RAB28: variants seen among roughly 807,000 people sequenced by gnomAD.
RAB28 encodes the protein ras-related protein Rab-28.
Under a neutral mutation model 31.7 loss-of-function variants are expected in RAB28, and 24 were observed. The observed-to-expected ratio is 0.76, with a 90% confidence interval of 0.55 to 1.06. The LOEUF (loss-of-function observed/expected upper bound fraction) is 1.06, where lower values mean the gene tolerates loss of function less well. RAB28 is among the 50% of genes least tolerant of loss of function. The pLI is 0.00. For synonymous variants in RAB28, 100 were observed against 90.4 expected (o/e 1.11, Z -0.60); for missense variants, 254 against 258.5 (o/e 0.98, Z 0.12).
intron 1 of RAB28, among the ~76,000 whole-genome samples, chr4:13,481,083 A>G (rs1344578236): frequency 2.0e-5 from 3 of 152,040 alleles, no homozygotes; most frequent in Non-Finnish European, 4.4e-5. Context: ...GTCATTTGAG[A>G]TAATTTTTCA....
intron 4 of RAB28, among the ~76,000 whole-genome samples, chr4:13,445,026 A>G (rs532896854): frequency 2.6e-5 from 4 of 152,104 alleles, no homozygotes; most frequent in Admixed American, 1.3e-4. Flanking sequence ...TATCAATCGT[A>G]GGTTCAGTCT....
chr4:13,388,474 G>T (rs972758534), intron 4 of RAB28, among the ~76,000 whole-genome samples: 1 of 151,932 alleles, frequency 6.6e-6, no homozygotes, highest in African/African-American at 2.4e-5. Flanking sequence ...TGATTTCTTG[G>T]ACATGACACC....
intron 6 of RAB28, chr4:13,371,427 A>T (rs1414060940): frequency 1.1e-5 from 11 of 984,946 alleles, no homozygotes; most frequent in African/African-American, 1.7e-5. Flanking sequence ...TAATCCAACA[A>T]AATGTTGGTT....
chr4:13,381,475 T>A lies in RAB28; in HGVS notation c.495+16A>T, dbSNP rs1729125436. 1 of 1,532,290 alleles carries A rather than the reference T, an allele frequency of 6.5e-7. No homozygotes were observed. Among genetic ancestry groups the A allele is most frequent in the Non-Finnish European group, 9.0e-7 (1 of 1,107,310 alleles). 94.9% of individuals were successfully genotyped at this position (1,532,290 alleles called of 1,614,324 possible). On this transcript the variant is annotated intron_variant, in intron 5 of 6. Coordinates refer to ENST00000330852, the MANE Select transcript of RAB28 (RefSeq NM_001017979.3). Reference sequence around the variant, plus strand: ...AAAAGGAAAACATCACATACAGTATTCATTATTTTACTTACAGAGTCTCCT... The same window carrying A: ...AAAAGGAAAACATCACATACAGTATACATTATTTTACTTACAGAGTCTCCT...
chr4:13,481,866 T>C (rs1185340401), intron 1 of RAB28, among the ~76,000 whole-genome samples: 1 of 151,848 alleles, frequency 6.6e-6, no homozygotes, highest in Non-Finnish European at 1.5e-5. Context: ...TAAATCAGGA[T>C]ACAAGTAAGA....
chr4:13,450,953 C>G (rs1714938796), intron 4 of RAB28, among the ~76,000 whole-genome samples: 1 of 151,846 alleles, frequency 6.6e-6, no homozygotes, highest in African/African-American at 2.4e-5. Flanking sequence ...GGTAAGAGCT[C>G]AATCCCCTAA....
intron 6 of RAB28, chr4:13,370,563 G>T (rs936014247): frequency 2.1e-6 from 2 of 942,440 alleles, no homozygotes; most frequent in Non-Finnish European, 2.5e-6. Context: ...GAACACAGAG[G>T]AAGGAGTAAT....
intron 4 of RAB28, among the ~76,000 whole-genome samples, chr4:13,383,671 A>G (rs1358359547): frequency 6.6e-6 from 1 of 152,158 alleles, no homozygotes; most frequent in Non-Finnish European, 1.5e-5. Context: ...GGTGGAAGGT[A>G]ACTGAATCAT....
At chr4:13,483,436 G>C (rs778284445) in intron 1 of RAB28, among the ~76,000 whole-genome samples, 5 of 152,190 alleles carry the variant, frequency 3.3e-5, no homozygotes, top group Non-Finnish European at 7.3e-5. Context: ...TGATGAACAG[G>C]TATGATATTA....
At chr4:13,403,808 T>C (rs968907327) in intron 4 of RAB28, among the ~76,000 whole-genome samples, 24 of 152,200 alleles carry the variant, frequency 1.6e-4, no homozygotes, top group African/African-American at 5.3e-4. Flanking sequence ...GAAAATTGAA[T>C]GTGTGCAAAT....
intron 4 of RAB28, among the ~76,000 whole-genome samples, chr4:13,457,940 T>C (rs1577233348): frequency 6.6e-6 from 1 of 152,196 alleles, no homozygotes; most frequent in African/African-American, 2.4e-5. Context: ...TAATTTCTCA[T>C]AAGGTAATGC....
At chr4:13,380,158 A>G (rs780154021) in intron 5 of RAB28, among the ~76,000 whole-genome samples, 13 of 152,132 alleles carry the variant, frequency 8.5e-5, no homozygotes, top group Non-Finnish European at 1.5e-4. Flanking sequence ...ATGGGTGAGT[A>G]TGTGCCCATG....
Position 13,376,586 on chromosome 4 carries a change from G to A in RAB28, c.532C>T (p.Leu178Phe), listed in dbSNP as rs375680071. ...LCFQKVAAEI[L>F]GIKLNKAEIE... ...TCTGCTTTGTTTAATTTGATCCCAA[G>A]GATTTCAGCAGCAACTTTCTGAAAG... Residue 178 changes from leucine to phenylalanine, a missense_variant, in exon 6 of 7, where the codon CTT becomes TTT. Coordinates refer to ENST00000330852, the MANE Select transcript of RAB28 (RefSeq NM_001017979.3). The A allele has an allele frequency of 2.5e-6, 4 of 1,602,774 alleles. No individual in the cohort carries two copies. The highest frequency in any genetic ancestry group is 3.4e-6 in the Non-Finnish European group (4 of 1,175,654).
intron 4 of RAB28, among the ~76,000 whole-genome samples, chr4:13,426,777 C>T (rs190322585): frequency 7.9e-4 from 121 of 152,234 alleles, no homozygotes; most frequent in African/African-American, 2.8e-3. Flanking sequence ...CAGGGTTAAT[C>T]AAAACATTTG....
At chr4:13,425,106 T>C (rs951235083) in intron 4 of RAB28, among the ~76,000 whole-genome samples, 1 of 152,200 alleles carries the variant, frequency 6.6e-6, no homozygotes, top group East Asian at 1.9e-4. Context: ...TTTCTTTTAC[T>C]TACCTATCAG....
At chr4:13,372,211 A>G (rs1728742410) in intron 6 of RAB28, among the ~76,000 whole-genome samples, 1 of 152,152 alleles carries the variant, frequency 6.6e-6, no homozygotes, top group African/African-American at 2.4e-5. Flanking sequence ...CAGAAAACAG[A>G]TGTGTAAACT....
At chr4:13,420,798 T>C (rs1355130146) in intron 4 of RAB28, among the ~76,000 whole-genome samples, 3 of 152,146 alleles carry the variant, frequency 2.0e-5, no homozygotes, top group South Asian at 4.1e-4. Flanking sequence ...ACAGCCAATA[T>C]CATACTGAAT....
chr4:13,446,758 TCG>T (rs1223100316), intron 4 of RAB28, among the ~76,000 whole-genome samples: 1 of 152,110 alleles, frequency 6.6e-6, no homozygotes, highest in Non-Finnish European at 1.5e-5. Context: ...TGTGTTCCTC[TCG>T]CTGGGAGCTG....
chr4:13,374,630 C>T (rs1393947844), intron 6 of RAB28, among the ~76,000 whole-genome samples: 5 of 152,220 alleles, frequency 3.3e-5, no homozygotes, highest in African/African-American at 1.2e-4. Flanking sequence ...AGGGTTATCT[C>T]AGACTTCTAT....
Sources: allele counts gnomAD v4.1 joint callset (sites outside exome capture counted in the v4.1 genomes callset), GRCh38; gene constraint gnomAD v4.1.1; transcripts MANE v1.5; gene names NCBI Gene and HGNC (gene_info 2026-07-23, HGNC 2026-07-21).